CAMTA1: variants seen among roughly 807,000 people sequenced by gnomAD.
The protein encoded by CAMTA1 is calmodulin binding transcription activator 1.
CAMTA1 carries 27 observed loss-of-function variants against 170.9 expected under a neutral mutation model. The ratio of observed to expected loss-of-function variants is 0.16; its 90% CI spans 0.12 to 0.22. The LOEUF (loss-of-function observed/expected upper bound fraction) is 0.22. CAMTA1 is among the 10% of genes least tolerant of loss of function. CAMTA1 has a pLI of 1.00. For missense variants in CAMTA1, 1,619 were observed against 2,217.2 expected (o/e 0.73, Z 5.42); for synonymous variants, 833 against 891.5 (o/e 0.93, Z 1.17).
rs534924376 is a variant in CAMTA1, at chr1:7,529,900, T to C, written c.510+61999T>C. Among the ~76,000 whole-genome samples, 4 of 152,340 alleles carry C rather than the reference T, an allele frequency of 2.6e-5. No homozygotes were observed. In the South Asian group the frequency reaches 8.3e-4, roughly 32 times the overall value. ...GAGGCTGTCCTGGGAGGCCACATGC[T>C]GGCAACATATCCAGAAAAGGCTGGA... is the stretch of plus-strand genomic sequence containing the variant. On this transcript the variant is annotated intron_variant, in intron 6 of 22. Coordinates refer to ENST00000303635, the MANE Select transcript of CAMTA1 (RefSeq NM_015215.4).
At chr1:7,503,192 C>G (rs974585613) in intron 6 of CAMTA1, among the ~76,000 whole-genome samples, 4 of 152,150 alleles carry the variant, frequency 2.6e-5, no homozygotes, top group Admixed American at 2.0e-4. Flanking sequence ...CAGGGCCAGA[C>G]GATCAGAAAA....
At chr1:7,709,149 A>G (rs2096550232) in intron 11 of CAMTA1, among the ~76,000 whole-genome samples, 2 of 152,128 alleles carry the variant, frequency 1.3e-5, no homozygotes, top group Admixed American at 1.3e-4. Context: ...AGCCTCACTC[A>G]AGTCTTATTA....
At position 7,044,218 on chromosome 1, in the gene CAMTA1, A is replaced by G. The variant is rs1449056960; in HGVS notation, c.235-47086A>G. Among the ~76,000 whole-genome samples, 1 of 152,124 alleles carries G rather than the reference A, an allele frequency of 6.6e-6. No homozygotes were observed. The highest frequency in any genetic ancestry group is 1.5e-5 in the Non-Finnish European group (1 of 68,000). ...CAGAGCAGGCGCCCCAGTGTCATGGACCCTGTGGCCACAGCTGCTGGGCCT... is the reference window on the plus strand; with the variant it reads ...CAGAGCAGGCGCCCCAGTGTCATGGGCCCTGTGGCCACAGCTGCTGGGCCT... On this transcript the variant is annotated intron_variant, in intron 3 of 22. Coordinates refer to ENST00000303635, the MANE Select transcript of CAMTA1 (RefSeq NM_015215.4). This position sits in a 1 kb window ranked among gnomAD's most constrained non-coding sequence, Gnocchi z 5.0.
rs779465596 is a variant in CAMTA1, at chr1:7,663,591, G to A, written c.1044G>A (p.Gln348=). 12 of 1,614,028 alleles carry A rather than the reference G, an allele frequency of 7.4e-6. No individual in the cohort carries two copies. The Admixed American group carries it at 1.8e-4, about 25-fold the overall frequency. The change falls in exon 9 of 23, where the codon CAG becomes CAA. Residue 348 remains glutamine (Q), a synonymous_variant. Coordinates refer to ENST00000303635, the MANE Select transcript of CAMTA1 (RefSeq NM_015215.4). ...QSSTEVSSTN[Q]VEVPDTTQSS... ...GCACCGAGGTCTCCTCCACCAACCA[G>A]GTGGAAGTCCCCGACACCACCCAGA...
rs563262002 is a variant in CAMTA1 at position 7,632,865 on chromosome 1, G to GCTCAGCA, written c.511-7534_511-7528dup. Among the ~76,000 whole-genome samples the GCTCAGCA allele has an allele frequency of 6.8e-4, 103 of 152,376 alleles. 1 individual carries two copies. The highest frequency in any genetic ancestry group is 2.5e-3 in the African/African-American group (102 of 41,598). On this transcript the variant is annotated intron_variant, in intron 6 of 22. Transcript: ENST00000303635. ...GCTGATTGCGCACGCCCAGGCGTGG[G>GCTCAGCA]CTCAGCATGCGGGAGGTGCAGAGCT... is the stretch of plus-strand genomic sequence containing the variant.
At chr1:6,956,128 T>C (rs1345475689) in intron 3 of CAMTA1, among the ~76,000 whole-genome samples, 2 of 152,172 alleles carry the variant, frequency 1.3e-5, no homozygotes, top group Non-Finnish European at 2.9e-5. Flanking sequence ...TGGAGGTCTA[T>C]TGCATTCTGG....
chr1:7,411,710 C>T (rs768343571), intron 5 of CAMTA1, among the ~76,000 whole-genome samples: 3 of 151,932 alleles, frequency 2.0e-5, no homozygotes, highest in Admixed American at 1.3e-4. Context: ...GCTGAATGAA[C>T]GAATGAATGA....
At chr1:6,891,348 A>G (rs1422222148) in intron 3 of CAMTA1, among the ~76,000 whole-genome samples, 2 of 152,228 alleles carry the variant, frequency 1.3e-5, no homozygotes, top group Non-Finnish European at 2.9e-5. Context: ...ATGCCTATTT[A>G]CCACTTTGCT....
At chr1:7,417,728 G>A (rs1035331403) in intron 5 of CAMTA1, among the ~76,000 whole-genome samples, 14 of 152,292 alleles carry the variant, frequency 9.2e-5, no homozygotes, top group African/African-American at 3.4e-4. Flanking sequence ...TACTTCCCGA[G>A]TGAGGCAATG....
intron 5 of CAMTA1, among the ~76,000 whole-genome samples, chr1:7,282,969 AG>A (rs775745607): frequency 6.6e-6 from 1 of 152,248 alleles, no homozygotes; most frequent in African/African-American, 2.4e-5. Flanking sequence ...AGATTCATGT[AG>A]GATGATGCTC....
chr1:7,751,719 G>GAAAA (rs35029804), intron 20 of CAMTA1, among the ~76,000 whole-genome samples: 1 of 144,912 alleles, frequency 6.9e-6, no homozygotes, highest in Non-Finnish European at 1.5e-5. Context: ...TCCTGTTTAG[G>GAAAA]AAAAAAAAAA....
In CAMTA1 at chr1:7,706,641, C is replaced by G. The variant is rs17031443; in HGVS notation, c.2915-25807C>G. On this transcript the variant is annotated intron_variant, in intron 11 of 22. Transcript: ENST00000303635. ...TTTAGAGAGTAATAATGTTTAATGT[C>G]CAAGAAAATAGCATTTACTTACAGC... 8.8e-3 allele frequency among the ~76,000 whole-genome samples: 1,339 copies of G among 152,214 alleles called. 13 individuals carry two copies. The highest frequency in any genetic ancestry group is 0.029 in the African/African-American group (1,211 of 41,522).
rs969077771 is a variant in CAMTA1, at chr1:7,013,209, CTTTTTTTTTTT to C, written c.235-78082_235-78072del. Among the ~76,000 whole-genome samples, 22 of 84,196 alleles carry C rather than the reference CTTTTTTTTTTT, an allele frequency of 2.6e-4. 2 individuals are homozygous for C. In the South Asian group the frequency reaches 4.2e-3, roughly 16 times the overall value. The allele number at this position is 84,196 out of a possible 152,430, so 55.2% of individuals were successfully genotyped here. A position where few individuals can be genotyped will look rare whatever the true frequency, so the allele number is the denominator to read the frequency against. On this transcript the variant is annotated intron_variant, in intron 3 of 22. Coordinates refer to ENST00000303635, the MANE Select transcript of CAMTA1 (RefSeq NM_015215.4). ...TCCAGGCCCTGCCTTTGCCCTTCTT[CTTTTTTTTTTT>C]TTTTTTTTTTTTGAGATAGAGTCTC... is the stretch of plus-strand genomic sequence containing the variant.
In CAMTA1 at chr1:7,173,423, A is replaced by C. The variant is rs971263659; in HGVS notation, c.303-76068A>C. On this transcript the variant is annotated intron_variant, in intron 4 of 22. Coordinates refer to ENST00000303635, the MANE Select transcript of CAMTA1 (RefSeq NM_015215.4). The surrounding 1 kb of genome is among the most constrained non-coding windows in gnomAD (Gnocchi z 5.4). ...TTTTTTTAAGACTGATTTTCACTCT[A>C]GTCATCCAGGCTGGAGTATAACAGT... Among the ~76,000 whole-genome samples the C allele has an allele frequency of 2.6e-5, 4 of 151,952 alleles. No individual in the cohort carries two copies. Among genetic ancestry groups the C allele is most frequent in the Non-Finnish European group, 4.4e-5 (3 of 67,992 alleles).
intron 4 of CAMTA1, among the ~76,000 whole-genome samples, chr1:7,180,870 TA>T (rs2148886445): frequency 6.6e-6 from 1 of 152,272 alleles, no homozygotes; most frequent in Non-Finnish European, 1.5e-5. Context: ...GAATCGAAAA[TA>T]AATGAATGTT....
intron 4 of CAMTA1, among the ~76,000 whole-genome samples, chr1:7,179,202 A>G (rs1167633427): frequency 1.3e-5 from 2 of 152,230 alleles, no homozygotes; most frequent in African/African-American, 2.4e-5. Context: ...GCTAATAACA[A>G]TTCAAAAGAG....
At chr1:7,490,523 G>A (rs753138828) in intron 6 of CAMTA1, among the ~76,000 whole-genome samples, 29 of 152,166 alleles carry the variant, frequency 1.9e-4, no homozygotes, top group Admixed American at 5.9e-4. Flanking sequence ...GTAGTGGCAC[G>A]TGCCTGCAAT....
intron 6 of CAMTA1, among the ~76,000 whole-genome samples, chr1:7,523,799 C>T (rs371755437): frequency 6.6e-6 from 1 of 151,780 alleles, no homozygotes; most frequent in Non-Finnish European, 1.5e-5. Context: ...AGGAAAATGG[C>T]GTGAACCTGG....
At chr1:7,703,902 C>G (rs897280668) in intron 11 of CAMTA1, among the ~76,000 whole-genome samples, 2 of 152,062 alleles carry the variant, frequency 1.3e-5, no homozygotes, top group Non-Finnish European at 2.9e-5. Flanking sequence ...TCCCCAAGTG[C>G]GCAGGGCTGG....
Sources: gnomAD v4.1 joint callset for allele counts (sites outside exome capture counted in the v4.1 genomes callset) on GRCh38, gnomAD v4.1.1 for gene constraint, Gnocchi (gnomAD v3.1) non-coding constraint, MANE v1.5 for transcripts, NCBI Gene and HGNC (gene_info 2026-07-23, HGNC 2026-07-21) for gene names.